Variants in ARHGAP24 observed in about 807,000 individuals in gnomAD.
ARHGAP24 encodes rho GTPase-activating protein 24.
Under a neutral mutation model 76.4 loss-of-function variants are expected in ARHGAP24, and 50 were observed. That is an observed-to-expected ratio of 0.65 (90% CI 0.52 to 0.83). ARHGAP24 has a LOEUF of 0.83. ARHGAP24 is among the 40% of genes least tolerant of loss of function. The probability of loss-of-function intolerance (pLI) is 0.00; values close to 1 mark genes in which losing one functional copy is unlikely to be tolerated. For synonymous variants in ARHGAP24, 345 were observed against 323.3 expected (o/e 1.07, Z -0.72); for missense variants, 930 against 914.2 (o/e 1.02, Z -0.22).
At chr4:85,639,419 G>A (rs888568498) in intron 2 of ARHGAP24, among the ~76,000 whole-genome samples, 51 of 152,126 alleles carry the variant, frequency 3.4e-4, no homozygotes, top group African/African-American at 1.1e-3. Context: ...AAAGGCACCC[G>A]ATCTAAATCT....
At chr4:85,644,026 C>T (rs1454609384) in intron 2 of ARHGAP24, among the ~76,000 whole-genome samples, 3 of 152,150 alleles carry the variant, frequency 2.0e-5, no homozygotes, top group Non-Finnish European at 4.4e-5. Flanking sequence ...TTTAAAACTA[C>T]ATGCAATAAT....
intron 3 of ARHGAP24, among the ~76,000 whole-genome samples, chr4:85,723,117 G>A (rs1725020366): frequency 6.6e-6 from 1 of 152,012 alleles, no homozygotes; most frequent in Non-Finnish European, 1.5e-5. Flanking sequence ...TTACTTCTTA[G>A]TGGAATACCC....
intron 2 of ARHGAP24, among the ~76,000 whole-genome samples, chr4:85,682,553 A>G (rs1344400302): frequency 6.6e-6 from 1 of 152,228 alleles, no homozygotes; most frequent in Non-Finnish European, 1.5e-5. Flanking sequence ...GCCAGCAAGA[A>G]GAGAGATGAT....
rs565735130 is a variant in ARHGAP24 at position 85,877,753 on chromosome 4, A to G, written c.269-45895A>G. ...ATAAAGACCTATGCTAGTATTTCAT[A>G]AACTGTTTAAGAAAACTTACTAAAC... On this transcript the variant is annotated intron_variant, in intron 3 of 9. Coordinates refer to ENST00000395184, the MANE Select transcript of ARHGAP24 (RefSeq NM_001025616.3). 2.3e-3 allele frequency among the ~76,000 whole-genome samples: 354 copies of G among 152,324 alleles called. 2 individuals carry two copies. Among genetic ancestry groups the G allele is most frequent in the African/African-American group, 7.9e-3 (328 of 41,576 alleles).
At chr4:85,604,883 T>G (rs867358839) in intron 2 of ARHGAP24, among the ~76,000 whole-genome samples, 11 of 152,290 alleles carry the variant, frequency 7.2e-5, no homozygotes, top group Admixed American at 5.2e-4. Flanking sequence ...CAGCTAATTT[T>G]TTGTATTTTT....
intron 2 of ARHGAP24, among the ~76,000 whole-genome samples, chr4:85,683,773 C>T (rs1339760313): frequency 1.3e-5 from 2 of 152,182 alleles, no homozygotes; most frequent in Admixed American, 1.3e-4. Flanking sequence ...CTCCAACCCC[C>T]AGCTCCTGGC....
chr4:85,930,227 G>A (rs1303377893), intron 4 of ARHGAP24: 4 of 985,152 alleles, frequency 4.1e-6, no homozygotes, highest in Admixed American at 1.2e-4. Flanking sequence ...GATCCAAAGA[G>A]CCTCTTGGAA....
intron 3 of ARHGAP24, among the ~76,000 whole-genome samples, chr4:85,758,640 T>C (rs1726617741): frequency 6.6e-6 from 1 of 152,092 alleles, no homozygotes; most frequent in Non-Finnish European, 1.5e-5. Flanking sequence ...CATGGGTGCG[T>C]TGGAGGAAGG....
At chr4:85,724,414 C>T (rs571818834) in intron 3 of ARHGAP24, among the ~76,000 whole-genome samples, 23 of 151,098 alleles carry the variant, frequency 1.5e-4, no homozygotes, top group Middle Eastern at 3.4e-3. Context: ...TATATGCATA[C>T]GTACACATTT....
chr4:86,000,772 T>G lies in ARHGAP24; in HGVS notation c.*50T>G, dbSNP rs766447984. On this transcript the variant is annotated 3_prime_UTR_variant, in exon 10 of 10. Coordinates refer to ENST00000395184, the MANE Select transcript of ARHGAP24 (RefSeq NM_001025616.3). ...ATGGCTCTGGCAAGGACTCCAGGGATTCTGGTGGGATATGACTTAGAACCA... is the reference window on the plus strand; with the variant it reads ...ATGGCTCTGGCAAGGACTCCAGGGAGTCTGGTGGGATATGACTTAGAACCA... The G allele has an allele frequency of 4.3e-6, 7 of 1,611,512 alleles. No homozygotes were observed. The highest frequency in any genetic ancestry group is 3.3e-5 in the Admixed American group (2 of 59,874).
chr4:85,992,806 C>T (rs1233023504), intron 8 of ARHGAP24, among the ~76,000 whole-genome samples: 8 of 134,820 alleles, frequency 5.9e-5, no homozygotes, highest in Admixed American at 3.0e-4. Flanking sequence ...TCAATTATTA[C>T]ATTGTCTTTT....
At chr4:85,625,538 T>C (rs1223368025) in intron 2 of ARHGAP24, among the ~76,000 whole-genome samples, 1 of 152,210 alleles carries the variant, frequency 6.6e-6, no homozygotes, top group Non-Finnish European at 1.5e-5. Context: ...CTGAAAAGAA[T>C]GTATATTCTG....
In ARHGAP24 at chr4:85,974,928, T is replaced by C. The variant is rs1192036896; in HGVS notation, c.773T>C (p.Val258Ala). 6.2e-7 allele frequency: 1 copy of C among 1,613,936 alleles called. No individual in the cohort carries two copies. The highest frequency in any genetic ancestry group is 2.2e-5 in the East Asian group (1 of 44,846). ...ELAKQVKSLP[V>A]VNYNLLKYIC... The stretch of plus-strand genomic sequence containing the variant: ...GCAAAGCAGGTGAAGAGTTTGCCAG[T>C]GGTAAATTACAACCTCCTCAAGTAT... The change falls in exon 7 of 10, where the codon GTG (valine) becomes GCG (alanine). Residue 258 changes from valine to alanine, a missense_variant. Physicochemically the swap from Val to Ala is moderately conservative, Grantham distance 64. Coordinates refer to ENST00000395184, the MANE Select transcript of ARHGAP24 (RefSeq NM_001025616.3).
intron 9 of ARHGAP24, chr4:86,000,265 A>G (rs534311218): frequency 9.0e-6 from 4 of 442,592 alleles, no homozygotes; most frequent in Non-Finnish European, 1.7e-5. Context: ...TTGGGACCTA[A>G]TGACTAAGGT....
At chr4:85,549,626 G>A (rs1285038451) in intron 1 of ARHGAP24, among the ~76,000 whole-genome samples, 1 of 149,874 alleles carries the variant, frequency 6.7e-6, no homozygotes, top group East Asian at 1.9e-4. Flanking sequence ...TTTATTTCAG[G>A]TTCATGTGTA....
chr4:85,574,288 G>A (rs1158866261), intron 2 of ARHGAP24, among the ~76,000 whole-genome samples: 1 of 152,156 alleles, frequency 6.6e-6, no homozygotes, highest in Non-Finnish European at 1.5e-5. Context: ...TTGAGGGAAA[G>A]CAAAATTATA....
intron 3 of ARHGAP24, among the ~76,000 whole-genome samples, chr4:85,767,616 T>A (rs12054628): frequency 0.23 from 34,190 of 151,614 alleles, 4,085 homozygotes; most frequent in Admixed American, 0.29. Context: ...AAATGATACC[T>A]GTTCTTTGGC....
At chr4:85,760,741 G>T (rs1726702033) in intron 3 of ARHGAP24, among the ~76,000 whole-genome samples, 1 of 152,148 alleles carries the variant, frequency 6.6e-6, no homozygotes, top group South Asian at 2.1e-4. Context: ...GGAGCCAAAA[G>T]GCCCGGAGCT....
At chr4:85,634,035 C>G (rs534113287) in intron 2 of ARHGAP24, among the ~76,000 whole-genome samples, 1 of 151,768 alleles carries the variant, frequency 6.6e-6, no homozygotes, top group Non-Finnish European at 1.5e-5. Flanking sequence ...ATGACTTGAC[C>G]TTATACTTGC....
Sources: gnomAD v4.1 joint callset for allele counts (sites outside exome capture counted in the v4.1 genomes callset) on GRCh38, gnomAD v4.1.1 for gene constraint, MANE v1.5 for transcripts, NCBI Gene and HGNC (gene_info 2026-07-23, HGNC 2026-07-21) for gene names.